The following ZZZ3 variants were observed in gnomAD, a reference collection of about 807,000 sequenced individuals.
ZZZ3 encodes zinc finger ZZ-type containing 3.
Under a neutral mutation model 95.2 loss-of-function variants are expected in ZZZ3, and 22 were observed. The observed-to-expected ratio is 0.23, with a 90% CI of 0.17 to 0.33. The LOEUF (loss-of-function observed/expected upper bound fraction) is 0.33, where lower values mean the gene tolerates loss of function less well. Among genes scored for constraint, ZZZ3 ranks in the 10% least tolerant of loss-of-function variants. The pLI is 1.00. For missense variants in ZZZ3, 885 were observed against 1,066.5 expected (o/e 0.83, Z 2.37); for synonymous variants, 335 against 358.9 (o/e 0.93, Z 0.75).
At chr1:77,606,557 G>A (rs747643645) in intron 5 of ZZZ3, among the ~76,000 whole-genome samples, 1 of 152,176 alleles carries the variant, frequency 6.6e-6, no homozygotes, top group Non-Finnish European at 1.5e-5. Context: ...CTGCCTTCAA[G>A]TCTAACCAAG....
intron 1 of ZZZ3, among the ~76,000 whole-genome samples, chr1:77,650,753 C>T (rs1012467365): frequency 3.3e-5 from 5 of 149,406 alleles, no homozygotes; most frequent in African/African-American, 1.2e-4. Flanking sequence ...AACAAAAAAG[C>T]AATAGAGAAA....
chr1:77,604,978 G>A (rs1665089592), intron 5 of ZZZ3, among the ~76,000 whole-genome samples: 1 of 152,152 alleles, frequency 6.6e-6, no homozygotes, highest in African/African-American at 2.4e-5. Context: ...GGCAGAGCAA[G>A]ATAGCCGAGT....
At chr1:77,650,630 G>T (rs1669715628) in intron 1 of ZZZ3, among the ~76,000 whole-genome samples, 1 of 149,528 alleles carries the variant, frequency 6.7e-6, no homozygotes, top group South Asian at 2.1e-4. Flanking sequence ...AAAAAAGGAA[G>T]GTCTCAATGA....
intron 5 of ZZZ3, among the ~76,000 whole-genome samples, chr1:77,604,320 A>T (rs987378662): frequency 8.5e-5 from 13 of 152,242 alleles, no homozygotes; most frequent in Admixed American, 7.2e-4. Flanking sequence ...GAAAACCACT[A>T]CACTGTATCA....
At chr1:77,571,697 A>G (rs979339039) in intron 12 of ZZZ3, among the ~76,000 whole-genome samples, 6 of 152,228 alleles carry the variant, frequency 3.9e-5, no homozygotes, top group Non-Finnish European at 7.3e-5. Flanking sequence ...CAAATACTGT[A>G]TGCTTCCACT....
Position 77,605,913 on chromosome 1 carries a change from C to T in ZZZ3, c.1506-21258G>A, listed in dbSNP as rs533042807. ...CAGGTGAGACCTAGCACATTCCCAG[C>T]TATGATGGCTATGGTGAGAAACTCC... On this transcript the variant is annotated intron_variant, in intron 5 of 14. Transcript: ENST00000370801. Among the ~76,000 whole-genome samples, 9 of 152,172 alleles carry T rather than the reference C, an allele frequency of 5.9e-5. No homozygotes were observed. In the South Asian group the frequency reaches 1.7e-3, roughly 28 times the overall value.
intron 4 of ZZZ3, among the ~76,000 whole-genome samples, chr1:77,635,298 T>A (rs991872078): frequency 1.2e-3 from 185 of 152,336 alleles, no homozygotes; most frequent in African/African-American, 1.8e-3. Context: ...ACAATTTTTT[T>A]AAATCTTATA....
At chr1:77,588,009 C>A (rs1663278101) in intron 5 of ZZZ3, among the ~76,000 whole-genome samples, 1 of 152,164 alleles carries the variant, frequency 6.6e-6, no homozygotes, top group African/African-American at 2.4e-5. Flanking sequence ...ATGTAACAGA[C>A]AACATTTGTG....
chr1:77,581,614 T>C (rs1202363945), intron 8 of ZZZ3, among the ~76,000 whole-genome samples, 162 bp downstream of exon 8: 3 of 152,242 alleles, frequency 2.0e-5, no homozygotes, highest in Non-Finnish European at 4.4e-5. Context: ...TCACGGCTAG[T>C]AAGTTAGGAC....
chr1:77,631,888 G>A lies in ZZZ3; in HGVS notation c.1467C>T (p.Tyr489=). 6.2e-7 allele frequency: 1 copy of A among 1,609,814 alleles called. No individual in the cohort carries two copies. The highest frequency in any genetic ancestry group is 8.5e-7 in the Non-Finnish European group (1 of 1,177,748). Reference sequence around the variant, plus strand: ...TCAGTGCCACATGATCTGATTCAAAGTAATAAACATCAGGATCATCATCTT... The same window carrying A: ...TCAGTGCCACATGATCTGATTCAAAATAATAAACATCAGGATCATCATCTT... ...EEEDDDPDVY[Y]FESDHVALKH... is the part of the protein sequence containing the mutation. The change falls in exon 5 of 15, where the codon TAC becomes TAT. Residue 489 remains tyrosine (Y), a synonymous_variant. Coordinates refer to ENST00000370801, the MANE Select transcript of ZZZ3 (RefSeq NM_015534.6).
intron 1 of ZZZ3, among the ~76,000 whole-genome samples, chr1:77,659,490 C>T (rs1160856922): frequency 6.6e-6 from 1 of 151,538 alleles, no homozygotes; most frequent in Non-Finnish European, 1.5e-5. Context: ...ATGGTGAAAC[C>T]CACCTGGCCA....
At chr1:77,675,973 CT>C (rs1672230637) in intron 1 of ZZZ3, among the ~76,000 whole-genome samples, 1 of 152,166 alleles carries the variant, frequency 6.6e-6, no homozygotes, top group Non-Finnish European at 1.5e-5. Context: ...TATTGTGATT[CT>C]GTAACCTGAG....
In ZZZ3 at chr1:77,582,122, T is replaced by A; in HGVS notation, c.1649A>T (p.Asp550Val). Reference protein sequence around the residue: ...GFVEKLQKKADIGLPYPQRVV... With the variant: ...GFVEKLQKKAVIGLPYPQRVV... Reference sequence around the variant, plus strand: ...TCTCTGTGGATATGGAAGCCCAATATCAGCCTGGAGGCAGGGGAGAAAAAA... The same window carrying A: ...TCTCTGTGGATATGGAAGCCCAATAACAGCCTGGAGGCAGGGGAGAAAAAA... The change falls in exon 7 of 15, where the codon GAT (aspartate) becomes GTT (valine). Residue 550 changes from aspartate (D) to valine (V), a missense_variant. By Grantham distance (152) the Asp-to-Val change is radical. Coordinates refer to ENST00000370801, the MANE Select transcript of ZZZ3 (RefSeq NM_015534.6). 3.7e-6 allele frequency: 6 copies of A among 1,602,506 alleles called. No homozygotes were observed. The highest frequency in any genetic ancestry group is 2.3e-5 in the South Asian group (2 of 87,164).
At chr1:77,629,657 C>A (rs116439438) in intron 5 of ZZZ3, among the ~76,000 whole-genome samples, 3 of 152,028 alleles carry the variant, frequency 2.0e-5, no homozygotes, top group Admixed American at 2.0e-4. Flanking sequence ...AAAAAAAGTG[C>A]TATCCTTCAA....
chr1:77,653,565 C>T (rs992033280), intron 1 of ZZZ3, among the ~76,000 whole-genome samples: 5 of 151,748 alleles, frequency 3.3e-5, no homozygotes, highest in African/African-American at 1.2e-4. Flanking sequence ...ACCAGCCTGA[C>T]CGACATGGAG....
At chr1:77,634,187 TAAATA>T (rs1313742218) in intron 4 of ZZZ3, among the ~76,000 whole-genome samples, 21 of 151,578 alleles carry the variant, frequency 1.4e-4, no homozygotes, top group Non-Finnish European at 2.7e-4. Context: ...AATAAATAAA[TAAATA>T]AAATAAATAA....
At chr1:77,682,852 C>A (rs1243784457), upstream of ZZZ3, among the ~76,000 whole-genome samples, 1 of 152,234 alleles carries the variant, frequency 6.6e-6, no homozygotes, top group Non-Finnish European at 1.5e-5. Flanking sequence ...CTCCTCCTTT[C>A]CCCTTGTACA....
At chr1:77,634,877 T>C (rs1433089575) in intron 4 of ZZZ3, among the ~76,000 whole-genome samples, 1 of 152,182 alleles carries the variant, frequency 6.6e-6, no homozygotes, top group African/African-American at 2.4e-5. Context: ...TTTCACAAGG[T>C]ACCCTGTCAT....
intron 5 of ZZZ3, among the ~76,000 whole-genome samples, chr1:77,631,586 A>T (rs1432319740): frequency 6.6e-6 from 1 of 152,204 alleles, no homozygotes; most frequent in Non-Finnish European, 1.5e-5. Flanking sequence ...ATATTAAAAA[A>T]ACAAAAACAC....
Sources: allele counts gnomAD v4.1 joint callset (sites outside exome capture counted in the v4.1 genomes callset), GRCh38; gene constraint gnomAD v4.1.1; transcripts MANE v1.5; gene names NCBI Gene and HGNC (gene_info 2026-07-23, HGNC 2026-07-21).